The following RAB6A variants were observed in gnomAD, a reference collection of about 807,000 sequenced individuals.
RAB6A encodes the protein ras-related protein Rab-6A.
Under a neutral mutation model 32.3 loss-of-function variants are expected in RAB6A, and 8 were observed. The ratio of observed to expected loss-of-function variants is 0.25; its 90% confidence interval spans 0.15 to 0.45. The LOEUF (loss-of-function observed/expected upper bound fraction) is 0.45. Ranked by LOEUF, RAB6A falls within the 20% of genes least tolerant of loss-of-function variation. The pLI is 1.00. For missense variants in RAB6A, 104 were observed against 249.4 expected (o/e 0.42, Z 3.93); for synonymous variants, 73 against 82.1 (o/e 0.89, Z 0.60).
chr11:73,752,089 T>C (rs148990327), intron 1 of RAB6A, among the ~76,000 whole-genome samples: 3,715 of 152,174 alleles, frequency 0.024, 74 homozygotes, highest in Non-Finnish European at 0.03. Flanking sequence ...AAACTAAATA[T>C]GCAGGAAGAA....
intron 1 of RAB6A, among the ~76,000 whole-genome samples, chr11:73,757,429 C>G (rs34572223): frequency 0.037 from 5,579 of 151,842 alleles, 145 homozygotes; most frequent in Middle Eastern, 0.071. Flanking sequence ...ATCTCAGCCT[C>G]CCAAAGTGCT....
At chr11:73,730,869 T>G (rs1378221019) in intron 1 of RAB6A, 46 bp from the exon 2 acceptor site, 2 of 1,470,372 alleles carry the variant, frequency 1.4e-6, no homozygotes, top group Admixed American at 2.3e-5. Context: ...CACATTACAT[T>G]GGGTTCTCAG....
chr11:73,687,765 G>A (rs866198959), intron 6 of RAB6A, among the ~76,000 whole-genome samples: 3 of 152,154 alleles, frequency 2.0e-5, no homozygotes, highest in Non-Finnish European at 2.9e-5. Context: ...GATGAGGCAG[G>A]AGAATTACTT....
At chr11:73,734,590 C>G (rs1046861142) in intron 1 of RAB6A, among the ~76,000 whole-genome samples, 16 of 152,152 alleles carry the variant, frequency 1.1e-4, no homozygotes, top group African/African-American at 3.6e-4. Context: ...CAGGATGAAA[C>G]TGTTCTACCT....
At chr11:73,743,261 C>T (rs1268817252) in intron 1 of RAB6A, among the ~76,000 whole-genome samples, 2 of 148,892 alleles carry the variant, frequency 1.3e-5, no homozygotes, top group Non-Finnish European at 3.0e-5. Flanking sequence ...CCCAAGATTG[C>T]GCCACCGCAC....
intron 1 of RAB6A, among the ~76,000 whole-genome samples, chr11:73,734,666 C>T (rs899820820): frequency 3.9e-5 from 6 of 152,138 alleles, no homozygotes; most frequent in African/African-American, 1.4e-4. Context: ...GCACAGTTCA[C>T]TATAGGGTTC....
intron 5 of RAB6A, among the ~76,000 whole-genome samples, chr11:73,707,826 G>A (rs963640230): frequency 1.2e-4 from 18 of 152,072 alleles, no homozygotes; most frequent in African/African-American, 3.9e-4. Context: ...GGCTGCAGCA[G>A]GCCATTATTA....
intron 5 of RAB6A, among the ~76,000 whole-genome samples, chr11:73,714,229 T>TATATATATATATATATATAC (rs79775489): frequency 8.5e-6 from 1 of 117,508 alleles, no homozygotes; most frequent in African/African-American, 3.0e-5. Flanking sequence ...TATATATATA[T>TATATATATATATATATATAC]ACACACATAT....
At chr11:73,751,212 C>T (rs962859494) in intron 1 of RAB6A, among the ~76,000 whole-genome samples, 2 of 152,034 alleles carry the variant, frequency 1.3e-5, no homozygotes, top group African/African-American at 4.8e-5. Flanking sequence ...CCAGGAGTTC[C>T]GGGCTGTAGT....
At chr11:73,742,786 G>A (rs961432557) in intron 1 of RAB6A, among the ~76,000 whole-genome samples, 6 of 151,932 alleles carry the variant, frequency 3.9e-5, no homozygotes, top group African/African-American at 1.2e-4. Context: ...TCCAGCCTGG[G>A]CAACAAGAAT....
At chr11:73,745,957 G>T (rs921298619) in intron 1 of RAB6A, among the ~76,000 whole-genome samples, 10 of 151,588 alleles carry the variant, frequency 6.6e-5, no homozygotes, top group Non-Finnish European at 1.2e-4. Flanking sequence ...CTGAGACTGC[G>T]CCACTGCACT....
intron 6 of RAB6A, among the ~76,000 whole-genome samples, chr11:73,686,131 A>G (rs1309829689): frequency 6.6e-6 from 1 of 152,208 alleles, no homozygotes; most frequent in Non-Finnish European, 1.5e-5. Flanking sequence ...AAAATATTAC[A>G]GCAGAGCTGA....
At chr11:73,678,580 G>A (rs1187358716) in intron 7 of RAB6A, among the ~76,000 whole-genome samples, 2 of 149,834 alleles carry the variant, frequency 1.3e-5, no homozygotes, top group Non-Finnish European at 3.0e-5. Flanking sequence ...TTGCGCTGCT[G>A]CACTCCAGCC....
chr11:73,743,304 C>CA (rs56400918), intron 1 of RAB6A, among the ~76,000 whole-genome samples: 11,843 of 103,180 alleles, frequency 0.11, 647 homozygotes, highest in Admixed American at 0.16. Context: ...AACTCTGTCT[C>CA]AAAAAAAAAA....
intron 5 of RAB6A, among the ~76,000 whole-genome samples, 186 bp downstream of exon 5, chr11:73,716,065 T>C (rs993633576): frequency 6.6e-6 from 1 of 152,228 alleles, no homozygotes; most frequent in African/African-American, 2.4e-5. Flanking sequence ...TAAAATTCAT[T>C]TCCCTTAAGG....
intron 1 of RAB6A, among the ~76,000 whole-genome samples, chr11:73,746,958 C>T (rs1452880499): frequency 2.0e-5 from 3 of 152,050 alleles, no homozygotes; most frequent in Non-Finnish European, 4.4e-5. Flanking sequence ...GTTTTTGAGA[C>T]GGAGTCTCGC....
At chr11:73,685,633 C>T (rs2134871515) in intron 6 of RAB6A, among the ~76,000 whole-genome samples, 1 of 76,826 alleles carries the variant, frequency 1.3e-5, no homozygotes, top group African/African-American at 4.3e-5. Context: ...AATCCCAGGA[C>T]TTTGGGAGGC....
intron 6 of RAB6A, among the ~76,000 whole-genome samples, chr11:73,685,987 A>C (rs2134872716): frequency 6.6e-6 from 1 of 152,010 alleles, no homozygotes; most frequent in South Asian, 2.1e-4. Flanking sequence ...GGGAACAGAG[A>C]ATTTTGCCAA....
At chr11:73,685,094 T>C (rs1590822262) in intron 6 of RAB6A, among the ~76,000 whole-genome samples, 1 of 152,204 alleles carries the variant, frequency 6.6e-6, no homozygotes, top group African/African-American at 2.4e-5. Flanking sequence ...CAGTACAGTG[T>C]AGTAGTTAAC....
Sources: allele counts gnomAD v4.1 joint callset (sites outside exome capture counted in the v4.1 genomes callset), GRCh38; gene constraint gnomAD v4.1.1; transcripts MANE v1.5; gene names NCBI Gene and HGNC (gene_info 2026-07-23, HGNC 2026-07-21).